The following ABI3BP variants were observed in gnomAD, a reference collection of about 807,000 sequenced individuals.
The protein encoded by ABI3BP is ABI family member 3 binding protein.
In ABI3BP, 216 loss-of-function variants were observed where a neutral mutation model predicts 268.6. The ratio of observed to expected loss-of-function variants is 0.80; its 90% confidence interval spans 0.72 to 0.90. The LOEUF is 0.90. Among genes scored for constraint, ABI3BP ranks in the 40% least tolerant of loss-of-function variants. The probability of loss-of-function intolerance (pLI) is 0.00; values close to 1 mark genes in which losing one functional copy is unlikely to be tolerated. For synonymous variants in ABI3BP, 730 were observed against 730.0 expected (o/e 1.00, Z 0.00); for missense variants, 2,090 against 2,182.4 (o/e 0.96, Z 0.84).
chr3:100,921,576 G>A (rs746691055), intron 2 of ABI3BP, among the ~76,000 whole-genome samples: 13 of 151,400 alleles, frequency 8.6e-5, no homozygotes, highest in African/African-American at 1.7e-4. Flanking sequence ...GTTTTATCAC[G>A]TCATCGCAGG....
chr3:100,889,379 A>C, intron 4 of ABI3BP, among the ~76,000 whole-genome samples: 1 of 152,184 alleles, frequency 6.6e-6, no homozygotes, highest in Non-Finnish European at 1.5e-5. Context: ...CTGTGGTGCT[A>C]GGCAAAAGAC....
chr3:100,975,766 G>A (rs755466585), intron 1 of ABI3BP, among the ~76,000 whole-genome samples: 29 of 151,998 alleles, frequency 1.9e-4, no homozygotes, highest in Non-Finnish European at 3.7e-4. Flanking sequence ...ACCACAGGGG[G>A]CCTTGTGGTT....
chr3:100,782,204 G>T lies in ABI3BP; in HGVS notation c.4163-1995C>A, dbSNP rs533211740. ...GGGACTCAGAAGGTAGTCCAAGGCTGCCAGCAGTCACTGACCAGGCATATG... is the reference window on the plus strand; with the variant it reads ...GGGACTCAGAAGGTAGTCCAAGGCTTCCAGCAGTCACTGACCAGGCATATG... On this transcript the variant is annotated intron_variant, in intron 57 of 67. Coordinates refer to ENST00000471714, the MANE Select transcript of ABI3BP (RefSeq NM_001375547.2). Among the ~76,000 whole-genome samples, 38 of 152,346 alleles carry T rather than the reference G, an allele frequency of 2.5e-4. No homozygotes were observed. In the South Asian group the frequency reaches 7.5e-3, roughly 30 times the overall value.
rs138738295 is a variant in ABI3BP at position 100,892,002 on chromosome 3, T to C, written c.462-5679A>G. 4.1e-3 allele frequency among the ~76,000 whole-genome samples: 631 copies of C among 152,332 alleles called. 3 individuals carry two copies. The highest frequency in any genetic ancestry group is 0.015 in the African/African-American group (604 of 41,578). On this transcript the variant is annotated intron_variant, in intron 4 of 67. Transcript: ENST00000471714. ...ACGCTGCATTTTAAATCCCATTCCATTGACGTCGTTTACTTCAGGACATAC... is the reference window on the plus strand; with the variant it reads ...ACGCTGCATTTTAAATCCCATTCCACTGACGTCGTTTACTTCAGGACATAC...
chr3:100,981,741 A>G (rs1453401979), intron 1 of ABI3BP, among the ~76,000 whole-genome samples: 1 of 152,138 alleles, frequency 6.6e-6, no homozygotes, highest in Non-Finnish European at 1.5e-5. Flanking sequence ...CATGGCAAGA[A>G]TTATGTTGAA....
chr3:100,765,078 A>C (rs1185097233), intron 63 of ABI3BP, among the ~76,000 whole-genome samples: 1 of 150,550 alleles, frequency 6.6e-6, no homozygotes, highest in Admixed American at 6.7e-5. Flanking sequence ...AATTCAATTC[A>C]ATCAATTGAT....
rs376779914 is a variant in ABI3BP, at chr3:100,763,340, G to A, written c.4850+2501C>T. On this transcript the variant is annotated intron_variant, in intron 63 of 67. Coordinates refer to ENST00000471714, the MANE Select transcript of ABI3BP (RefSeq NM_001375547.2). ...TAGCCGGGTGTGGTGGTAGGTGCCC[G>A]TAATCCCAGCTACTTTGGAGGCTCA... is the stretch of plus-strand genomic sequence containing the variant. 1.1e-4 allele frequency among the ~76,000 whole-genome samples: 16 copies of A among 151,820 alleles called. No individual in the cohort carries two copies. The East Asian group carries it at 2.1e-3, about 20-fold the overall frequency.
intron 57 of ABI3BP, among the ~76,000 whole-genome samples, chr3:100,781,727 C>T (rs922152521): frequency 6.6e-6 from 1 of 152,140 alleles, no homozygotes; most frequent in African/African-American, 2.4e-5. Flanking sequence ...CTTGAGTAGA[C>T]CCTTCTTTAC....
intron 61 of ABI3BP, among the ~76,000 whole-genome samples, chr3:100,773,933 G>C (rs577988632): frequency 1.3e-5 from 2 of 152,302 alleles, no homozygotes; most frequent in African/African-American, 2.4e-5. Context: ...GCACTGGGGG[G>C]TTGAGTGGGA....
intron 63 of ABI3BP, among the ~76,000 whole-genome samples, chr3:100,763,685 T>C (rs1280496197): frequency 6.6e-6 from 1 of 152,086 alleles, no homozygotes; most frequent in African/African-American, 2.4e-5. Flanking sequence ...CTAAAACAAT[T>C]ACAACCAGAA....
intron 20 of ABI3BP, among the ~76,000 whole-genome samples, chr3:100,844,870 G>A (rs2098749737): frequency 6.6e-6 from 1 of 152,154 alleles, no homozygotes; most frequent in African/African-American, 2.4e-5. Context: ...ATGTTAAAAG[G>A]AAATGTCAAA....
chr3:100,753,837 C>T lies in ABI3BP; in HGVS notation c.4942G>A (p.Val1648Met). ...TACTTACCAGAAACTGGCTCACTCA[C>T]TCTTGGGTCCGCTGAGGAGAAATAA... ...AFSTESADPR[V>M]SEPVSAGRDA... The change falls in exon 65 of 68, where the codon GTG becomes ATG. Residue 1648 changes from valine to methionine, a missense_variant. By Grantham distance (21) the Val-to-Met change is conservative. Coordinates refer to ENST00000471714, the MANE Select transcript of ABI3BP (RefSeq NM_001375547.2). 6.2e-7 allele frequency: 1 copy of T among 1,610,816 alleles called. No individual in the cohort carries two copies. Among genetic ancestry groups the T allele is most frequent in the Non-Finnish European group, 8.5e-7 (1 of 1,178,658 alleles).
chr3:100,831,200 G>A (rs1338565220), intron 31 of ABI3BP, among the ~76,000 whole-genome samples: 1 of 152,080 alleles, frequency 6.6e-6, no homozygotes, highest in Non-Finnish European at 1.5e-5. Context: ...TGAGGCAAAG[G>A]TGATGGGTGT....
At chr3:100,822,700 C>A in intron 37 of ABI3BP, 28 bp from the exon 38 acceptor site, 1 of 1,516,472 alleles carries the variant, frequency 6.6e-7, no homozygotes, top group South Asian at 1.2e-5. Flanking sequence ...TGGGTTACAA[C>A]ATAACTGCAT....
At chr3:100,801,445 AG>A (rs1414048007) in intron 51 of ABI3BP, among the ~76,000 whole-genome samples, 1 of 145,336 alleles carries the variant, frequency 6.9e-6, no homozygotes, top group Non-Finnish European at 1.6e-5. Flanking sequence ...AAAAAAGAAA[AG>A]AAAAGAAAAG....
chr3:100,918,186 A>C (rs1277789309), intron 2 of ABI3BP, among the ~76,000 whole-genome samples: 1 of 152,106 alleles, frequency 6.6e-6, no homozygotes. Context: ...TTTGAAAATA[A>C]TTTTAAAAGA....
At chr3:100,928,370 C>A (rs536498472) in intron 1 of ABI3BP, among the ~76,000 whole-genome samples, 1 of 152,208 alleles carries the variant, frequency 6.6e-6, no homozygotes, top group South Asian at 2.1e-4. Flanking sequence ...ATACCAATCA[C>A]CACTTTTGTG....
At chr3:100,912,166 C>T (rs1378449005) in intron 2 of ABI3BP, 1 of 354,738 alleles carries the variant, frequency 2.8e-6, no homozygotes, top group Non-Finnish European at 5.1e-6. Context: ...AACACCTGCT[C>T]TTACCCTTCG....
chr3:100,947,325 C>A (rs2072940954), intron 1 of ABI3BP, among the ~76,000 whole-genome samples: 1 of 151,810 alleles, frequency 6.6e-6, no homozygotes, highest in South Asian at 2.1e-4. Flanking sequence ...TGGGTGTGGC[C>A]CAAGCTTAAG....
Sources: allele counts gnomAD v4.1 joint callset (sites outside exome capture counted in the v4.1 genomes callset), GRCh38; gene constraint gnomAD v4.1.1; transcripts MANE v1.5; gene names NCBI Gene and HGNC (gene_info 2026-07-23, HGNC 2026-07-21).